LINGO2: variants seen among roughly 807,000 people sequenced by gnomAD.
LINGO2 encodes the protein leucine-rich repeat and immunoglobulin-like domain-containing nogo receptor-interacting protein 2.
LINGO2 carries 14 observed loss-of-function variants against 30.6 expected under a neutral mutation model. The observed-to-expected ratio is 0.46, with a 90% CI of 0.30 to 0.72. LINGO2 has a LOEUF of 0.72. LINGO2 is among the 30% of genes least tolerant of loss of function. The pLI is 0.07. For synonymous variants in LINGO2, 317 were observed against 288.5 expected, an observed-to-expected ratio of 1.10 and a Z score of -1.00; for missense variants, 729 against 751.7, an observed-to-expected ratio of 0.97 and a Z score of 0.35.
chr9:28,504,267 T>C (rs182040015), intron 1 of LINGO2, among the ~76,000 whole-genome samples: 4 of 151,966 alleles, frequency 2.6e-5, no homozygotes, highest in Non-Finnish European at 4.4e-5. Flanking sequence ...CTGTTTAGTA[T>C]TGTTTATCAT....
intron 4 of LINGO2, among the ~76,000 whole-genome samples, chr9:28,100,779 T>C (rs1433704065): frequency 6.6e-6 from 1 of 152,184 alleles, no homozygotes; most frequent in Non-Finnish European, 1.5e-5. Flanking sequence ...ATTCAACTTC[T>C]ATCCCACAAA....
At chr9:28,016,323 A>G (rs1333338183) in intron 4 of LINGO2, among the ~76,000 whole-genome samples, 1 of 152,080 alleles carries the variant, frequency 6.6e-6, no homozygotes, top group African/African-American at 2.4e-5. Context: ...ACTTCCAAAT[A>G]CTTAGGTCAG....
the LINGO2 span, among the ~76,000 whole-genome samples, chr9:28,898,614 G>A: frequency 6.6e-6 from 1 of 151,764 alleles, no homozygotes; most frequent in Non-Finnish European, 1.5e-5. Flanking sequence ...ATTAGAAAAC[G>A]CTAAATTTGA....
intron 4 of LINGO2, among the ~76,000 whole-genome samples, chr9:28,208,097 T>A (rs1820471481): frequency 6.6e-6 from 1 of 152,166 alleles, no homozygotes; most frequent in Non-Finnish European, 1.5e-5. Context: ...TGGTTTACTT[T>A]TTGTAAAAAC....
At chr9:29,202,399 G>A in the LINGO2 span, among the ~76,000 whole-genome samples, 1 of 151,868 alleles carries the variant, frequency 6.6e-6, no homozygotes, top group South Asian at 2.1e-4. Flanking sequence ...GGCTTTATTA[G>A]TAAGTACCAG....
chr9:28,010,997 T>A (rs2119245382), intron 5 of LINGO2, among the ~76,000 whole-genome samples: 1 of 152,274 alleles, frequency 6.6e-6, no homozygotes, highest in African/African-American at 2.4e-5. Context: ...CTTCCAATCT[T>A]AACATTATCC....
chr9:28,378,707 A>C (rs1485272958), intron 2 of LINGO2, among the ~76,000 whole-genome samples: 1 of 152,232 alleles, frequency 6.6e-6, no homozygotes, highest in Non-Finnish European at 1.5e-5. Flanking sequence ...TCAGAAAGGC[A>C]GCAACATAGA....
the LINGO2 span, among the ~76,000 whole-genome samples, chr9:29,208,787 C>T: frequency 1.3e-4 from 20 of 152,198 alleles, no homozygotes; most frequent in Admixed American, 2.6e-4. Context: ...TCAAAGAAGA[C>T]ACTGCTAGTC....
chr9:28,168,387 G>A (rs1227470072), intron 4 of LINGO2, among the ~76,000 whole-genome samples: 1 of 152,124 alleles, frequency 6.6e-6, no homozygotes, highest in Non-Finnish European at 1.5e-5. Flanking sequence ...CAACAGGAAG[G>A]CTTCTTCAGG....
chr9:28,917,585 T>G, the LINGO2 span, among the ~76,000 whole-genome samples: 1 of 152,112 alleles, frequency 6.6e-6, no homozygotes, highest in African/African-American at 2.4e-5. Flanking sequence ...CCTGAGTAGC[T>G]GGGATTACAG....
chr9:29,117,944 T>C, the LINGO2 span, among the ~76,000 whole-genome samples: 1 of 152,244 alleles, frequency 6.6e-6, no homozygotes, highest in Non-Finnish European at 1.5e-5. Flanking sequence ...AACTAATTTC[T>C]CCTTCTCTCA....
chr9:28,003,468 A>G (rs1822087122), intron 5 of LINGO2, among the ~76,000 whole-genome samples: 2 of 151,936 alleles, frequency 1.3e-5, no homozygotes, highest in African/African-American at 2.4e-5. Context: ...TAGAAGTTCA[A>G]TGATTTTTGA....
rs1198849699 is a variant in LINGO2 at position 28,114,146 on chromosome 9, T to C, written c.-86-101741A>G. Among the ~76,000 whole-genome samples the C allele has an allele frequency of 3.0e-5, 2 of 65,776 alleles. 1 individual carries two copies. Among genetic ancestry groups the C allele is most frequent in the African/African-American group, 7.6e-5 (2 of 26,394 alleles). The allele number at this position is 65,776 out of a possible 152,430, so 43.2% of individuals were successfully genotyped here. On this transcript the variant is annotated intron_variant, in intron 4 of 5. Coordinates refer to ENST00000379992, the Ensembl canonical transcript of LINGO2. ...AGGGTTGTTGAATTTTGTCAAAGGC[T>C]TTTTCTGCATGTATTGAGATAATCA...
chr9:28,956,922 CT>C, the LINGO2 span, among the ~76,000 whole-genome samples: 3 of 151,666 alleles, frequency 2.0e-5, 1 homozygote, highest in Admixed American at 2.0e-4. Flanking sequence ...ATTGCCATCT[CT>C]TGGGATGATA....
At chr9:28,779,111 G>A in the LINGO2 span, among the ~76,000 whole-genome samples, 1 of 152,114 alleles carries the variant, frequency 6.6e-6, no homozygotes, top group African/African-American at 2.4e-5. Flanking sequence ...GTTGTATAAT[G>A]TTATTTAGTT....
At chr9:28,376,281 G>C (rs1821128336) in intron 2 of LINGO2, among the ~76,000 whole-genome samples, 1 of 152,060 alleles carries the variant, frequency 6.6e-6, no homozygotes, top group Non-Finnish European at 1.5e-5. Flanking sequence ...GAAGAGAAGA[G>C]AAGCGAAGCG....
At chr9:29,118,520 C>T in the LINGO2 span, among the ~76,000 whole-genome samples, 2 of 152,132 alleles carry the variant, frequency 1.3e-5, no homozygotes, top group Admixed American at 6.5e-5. Context: ...TTTGTAGAAG[C>T]TTTAGAATCC....
At chr9:29,209,156 A>T in the LINGO2 span, among the ~76,000 whole-genome samples, 6,935 of 152,196 alleles carry the variant, frequency 0.046, 234 homozygotes, top group Admixed American at 0.08. Context: ...ATATGAAAAT[A>T]AGCCACTCAA....
At chr9:28,789,108 A>AAT in the LINGO2 span, among the ~76,000 whole-genome samples, 4 of 152,162 alleles carry the variant, frequency 2.6e-5, no homozygotes, top group Non-Finnish European at 5.9e-5. Context: ...ATAAACTTAG[A>AAT]ATATATATAC....
Sources: allele counts gnomAD v4.1 joint callset (sites outside exome capture counted in the v4.1 genomes callset), GRCh38; gene constraint gnomAD v4.1.1; transcripts MANE v1.5; gene names NCBI Gene and HGNC (gene_info 2026-07-23, HGNC 2026-07-21).